Variants in FTCD observed in about 807,000 individuals in gnomAD.
The protein encoded by FTCD is formimidoyltransferase cyclodeaminase.
FTCD carries 76 observed loss-of-function variants against 62.9 expected under a neutral mutation model. The ratio of observed to expected loss-of-function variants is 1.21; its 90% CI spans 1.00 to 1.46. The LOEUF (loss-of-function observed/expected upper bound fraction) is 1.46, where lower values mean the gene tolerates loss of function less well. FTCD is among the 40% of genes most tolerant of loss of function. FTCD has a pLI of 0.00. For missense variants in FTCD, 845 were observed against 751.3 expected (o/e 1.12, Z -1.46); for synonymous variants, 397 against 336.9 (o/e 1.18, Z -1.95).
At chr21:46,142,538 C>G (rs66509241) in intron 10 of FTCD, 12,362 of 150,818 alleles carry the variant, frequency 0.082, 592 homozygotes, top group South Asian at 0.12. Flanking sequence ...TAGCTCCTCC[C>G]GGTGGGTTGG....
intron 4 of FTCD, 74 bp downstream of exon 4, chr21:46,151,818 G>C (rs1253155541): frequency 1.3e-6 from 2 of 1,577,648 alleles, no homozygotes; most frequent in Non-Finnish European, 1.7e-6. Flanking sequence ...GAGGGGCCCG[G>C]CCCAGCCACC....
Position 46,151,910 on chromosome 21 carries a change from G to C in FTCD, c.438C>G (p.Tyr146Ter). 1 of 1,565,132 alleles carries C rather than the reference G, an allele frequency of 6.4e-7. No individual in the cohort carries two copies. Among genetic ancestry groups the C allele is most frequent in the Non-Finnish European group, 8.7e-7 (1 of 1,155,516 alleles). ...RTLPAIRAGE[Y>*]EALPKKLQQA... ...GGGGCACCTTCTTAGGGAGGGCCTC[G>C]TACTCCCCGGCCCGGATGGCCGGCA... Residue 146 changes from tyrosine (Y) to a stop codon, truncating the protein, a stop_gained, in exon 4 of 14, where the codon TAC becomes TAG. Coordinates refer to ENST00000397746, the MANE Select transcript of FTCD (RefSeq NM_206965.2). LOFTEE classifies it high-confidence loss of function.
chr21:46,136,412 G>A, downstream of FTCD: 1 of 1,610,830 alleles, frequency 6.2e-7, no homozygotes, highest in Non-Finnish European at 8.5e-7. Flanking sequence ...GTGCTCTGTG[G>A]AACTGTCCAG....
rs751420192 is a variant in FTCD, at chr21:46,154,270, G to A, written c.117C>T (p.Asp39=). The change falls in exon 2 of 14, where the codon GAC becomes GAT. Residue 39 remains aspartate, a synonymous_variant. Coordinates refer to ENST00000397746, the MANE Select transcript of FTCD (RefSeq NM_206965.2). ...QTPGCVLLDV[D]AGPSTNRTVY... ...CGGTGCGGTTGGTGGAAGGGCCTGCGTCCACATCCAGCAGCACGCAGCCCG... is the reference window on the plus strand; with the variant it reads ...CGGTGCGGTTGGTGGAAGGGCCTGCATCCACATCCAGCAGCACGCAGCCCG... 5.8e-5 allele frequency: 93 copies of A among 1,612,584 alleles called. No individual in the cohort carries two copies. Among genetic ancestry groups the A allele is most frequent in the Middle Eastern group, 3.3e-4 (2 of 5,974 alleles).
At chr21:46,137,431 C>T (rs879020004) in intron 12 of FTCD, 97 bp from the exon 13 acceptor site, 54 of 934,846 alleles carry the variant, frequency 5.8e-5, no homozygotes, top group South Asian at 4.1e-4. Context: ...GGCCGGACTT[C>T]GTCCTCCTCC....
In FTCD at chr21:46,138,896, G is replaced by T. The variant is rs199735089; in HGVS notation, c.1288C>A (p.Pro430Thr). Residue 430 changes from proline (P) to threonine (T), a missense_variant, in exon 11 of 14, where the codon CCT becomes ACT. Physicochemically the swap from Pro to Thr is conservative, Grantham distance 38. Transcript: ENST00000397746. ...CAGGCTCACCTGTCCTTTTCCTCAGGTGTGTTCTTGGGGAGCCTCATTGCT... is the reference window on the plus strand; with the variant it reads ...CAGGCTCACCTGTCCTTTTCCTCAGTTGTGTTCTTGGGGAGCCTCATTGCT... ...LEAMRLPKNT[P>T]EEKDRRTAAL... The T allele has an allele frequency of 3.1e-6, 5 of 1,613,102 alleles. No homozygotes were observed. The South Asian group carries it at 5.5e-5, about 18-fold the overall frequency.
chr21:46,137,192 C>T, intron 13 of FTCD, 47 bp downstream of exon 13: 1 of 1,582,906 alleles, frequency 6.3e-7, no homozygotes, highest in Non-Finnish European at 8.7e-7. Flanking sequence ...GGCTGTGAAT[C>T]CAGGCCCCCA....
intron 1 of FTCD, 68 bp downstream of exon 1, chr21:46,155,402 G>A: frequency 2.3e-6 from 3 of 1,319,466 alleles, no homozygotes; most frequent in Non-Finnish European, 3.3e-6. Context: ...CCTCCTCCAT[G>A]GCCTGGGCCT....
Position 46,151,634 on chromosome 21 carries a change from A to C in FTCD, c.560T>G (p.Ile187Ser). The C allele has an allele frequency of 2.5e-6, 4 of 1,613,102 alleles. No individual in the cohort carries two copies. The highest frequency in any genetic ancestry group is 3.4e-6 in the Non-Finnish European group (4 of 1,179,962). Residue 187 changes from isoleucine to serine, a missense_variant, in exon 5 of 14, where the codon ATC (isoleucine) becomes AGC (serine). Physicochemically the swap from Ile to Ser is moderately radical, Grantham distance 142 (BLOSUM62 -2). Transcript: ENST00000397746. ...GARKFLIAFN[I>S]NLLGTKEQAH... Reference sequence around the variant, plus strand: ...TTGCTCCTTTGTGCCGAGCAGGTTGATGTTAAAAGCAATGAGGAACTTCCT... The same window carrying C: ...TTGCTCCTTTGTGCCGAGCAGGTTGCTGTTAAAAGCAATGAGGAACTTCCT...
chr21:46,143,840 T>A (rs1309035103), intron 10 of FTCD, among the ~76,000 whole-genome samples: 1 of 152,190 alleles, frequency 6.6e-6, no homozygotes, highest in Admixed American at 6.5e-5. Flanking sequence ...AAGAAGACTC[T>A]GGTCCACCAC....
At chr21:46,140,102 T>C (rs1363993965) in intron 10 of FTCD, among the ~76,000 whole-genome samples, 3 of 152,252 alleles carry the variant, frequency 2.0e-5, no homozygotes, top group African/African-American at 7.2e-5. Context: ...TATCTCCTTA[T>C]GTTTTTCAAA....
At position 46,150,105 on chromosome 21, in the gene FTCD, G is replaced by GCAGCC; in HGVS notation, c.906+9_906+13dup. 2 of 1,609,140 alleles carry GCAGCC rather than the reference G, an allele frequency of 1.2e-6. No individual in the cohort carries two copies. Among genetic ancestry groups the GCAGCC allele is most frequent in the South Asian group, 2.2e-5 (2 of 90,364 alleles). On this transcript the variant is annotated intron_variant, in intron 7 of 13. Coordinates refer to ENST00000397746, the MANE Select transcript of FTCD (RefSeq NM_206965.2). ...CACGCCCCTGTCCGACCCTTCCTCGGCAGCCCGGCCCACCAGCCTGATCCG... is the reference window on the plus strand; with the variant it reads ...CACGCCCCTGTCCGACCCTTCCTCGGCAGCCCAGCCCGGCCCACCAGCCTGATCCG...
At chr21:46,150,601 TG>T (rs2079246979) in intron 5 of FTCD, 76 bp from the exon 6 acceptor site, 1 of 1,452,202 alleles carries the variant, frequency 6.9e-7, no homozygotes, top group African/African-American at 1.4e-5. Flanking sequence ...TCCTGGCACT[TG>T]CATTCCCCAG....
intron 6 of FTCD, 52 bp downstream of exon 6, chr21:46,150,336 C>A: frequency 1.2e-6 from 2 of 1,610,972 alleles, no homozygotes; most frequent in Non-Finnish European, 1.7e-6. Context: ...GCCCTGCCCA[C>A]GGGACAGATC....
rs775776905 is a variant in FTCD at position 46,151,661 on chromosome 21, G to T, written c.533C>A (p.Ala178Glu). 3.7e-6 allele frequency: 6 copies of T among 1,612,944 alleles called. No homozygotes were observed. The highest frequency in any genetic ancestry group is 1.1e-5 in the South Asian group (1 of 91,086). The change falls in exon 5 of 14, where the codon GCG (alanine) becomes GAG (glutamate). Residue 178 changes from alanine (A) to glutamate (E), a missense_variant. By Grantham distance (107) the Ala-to-Glu change is moderately radical (BLOSUM62 -1). Coordinates refer to ENST00000397746, the MANE Select transcript of FTCD (RefSeq NM_206965.2). ...VPSWGATATG[A>E]RKFLIAFNIN... ...GTTAAAAGCAATGAGGAACTTCCTC[G>T]CCCCCGTGGCCGTGGCCCCCCAACT...
Position 46,153,048 on chromosome 21 carries a change from G to C in FTCD, c.239-13C>G. The C allele has an allele frequency of 1.3e-6, 2 of 1,544,498 alleles. No homozygotes were observed. The highest frequency in any genetic ancestry group is 8.7e-7 in the Non-Finnish European group (1 of 1,145,244). On this transcript the variant is annotated splice_polypyrimidine_tract_variant and intron_variant, in intron 2 of 13. Coordinates refer to ENST00000397746, the MANE Select transcript of FTCD (RefSeq NM_206965.2). ...CGGGGGTGCTCTCCTGCAGAGAGAC[G>C]GCGAGGCCGGGCAGGAGGCCAGGTG...
In FTCD at chr21:46,150,419, G is replaced by A. The variant is rs754231668; in HGVS notation, c.743C>T (p.Thr248Met). The change falls in exon 6 of 14, where the codon ACG becomes ATG. Residue 248 changes from threonine to methionine, a missense_variant. Physicochemically the swap from Thr to Met is moderately conservative, Grantham distance 81. Transcript: ENST00000397746. ...TTCTCGGCAGGTCTCCTCGTAGACC[G>A]TGTGCAGTGCCGTGACCTCAAAGTC... The part of the protein sequence containing the change: ...LLDFEVTALH[T>M]VYEETCREAQ... 9.3e-6 allele frequency: 15 copies of A among 1,612,736 alleles called. No homozygotes were observed. The highest frequency in any genetic ancestry group is 8.8e-5 in the South Asian group (8 of 91,084).
At chr21:46,136,585 C>A (rs2123471387), downstream of FTCD, 1 of 1,547,412 alleles carries the variant, frequency 6.5e-7, no homozygotes, top group Non-Finnish European at 8.7e-7. Context: ...CCTCTGAATA[C>A]CTGTGACCCT....
Position 46,145,884 on chromosome 21 carries a change from C to G in FTCD, c.1032G>C (p.Val344=), listed in dbSNP as rs373127146. The change falls in exon 9 of 14, where the codon GTG becomes GTC. Residue 344 remains valine (V), a synonymous_variant. Coordinates refer to ENST00000397746, the MANE Select transcript of FTCD (RefSeq NM_206965.2). ...GLGSKSLRAF[V]GEVGARSAAP... ...CCGCAGAGCGGGCACCCACCTCCCC[C>G]ACGAAGGCGCGCAGGGACTTGCTGC... 30 of 1,482,554 alleles carry G rather than the reference C, an allele frequency of 2.0e-5. No homozygotes were observed. The East Asian group carries it at 5.4e-4, about 27-fold the overall frequency. 91.8% of individuals were successfully genotyped at this position (1,482,554 alleles called of 1,614,324 possible). A position where few individuals can be genotyped will look rare whatever the true frequency, so the allele number is the denominator to read the frequency against.
Sources: gnomAD v4.1 joint callset for allele counts (sites outside exome capture counted in the v4.1 genomes callset) on GRCh38, gnomAD v4.1.1 for gene constraint, MANE v1.5 for transcripts, NCBI Gene and HGNC (gene_info 2026-07-23, HGNC 2026-07-21) for gene names.